ZNF730: variants seen among roughly 807,000 people sequenced by gnomAD.
ZNF730 encodes the protein putative zinc finger protein 730.
In ZNF730, 12 loss-of-function variants were observed where a neutral mutation model predicts 12.6. That is an observed-to-expected ratio of 0.95 (90% CI 0.61 to 1.54). ZNF730 has a LOEUF of 1.54. Among genes scored for constraint, ZNF730 ranks in the 40% most tolerant of loss-of-function variants. The pLI, the probability that ZNF730 is intolerant of heterozygous loss-of-function variation, is 0.00. For missense variants in ZNF730, 643 were observed against 583.5 expected, an observed-to-expected ratio of 1.10 and a Z score of -1.05; for synonymous variants, 194 against 195.8, an observed-to-expected ratio of 0.99 and a Z score of 0.08.
intron 1 of ZNF730, among the ~76,000 whole-genome samples, chr19:23,111,471 G>T (rs1441228811): frequency 6.6e-6 from 1 of 152,030 alleles, no homozygotes; most frequent in African/African-American, 2.4e-5. Context: ...ATTAGGCTGG[G>T]CATGGTGGCT....
intron 1 of ZNF730, among the ~76,000 whole-genome samples, chr19:23,099,347 C>A (rs1033712517): frequency 1.3e-5 from 2 of 152,126 alleles, no homozygotes; most frequent in African/African-American, 2.4e-5. Flanking sequence ...GTGACTCATG[C>A]ATACCATATA....
At position 23,146,050 on chromosome 19, in the gene ZNF730, G is replaced by A; in HGVS notation, c.1006G>A (p.Gly336Arg). 6.2e-7 allele frequency: 1 copy of A among 1,611,552 alleles called. No homozygotes were observed. The highest frequency in any genetic ancestry group is 8.5e-7 in the Non-Finnish European group (1 of 1,179,308). ...TACAAAACATAAAAGAATTCATAAT[G>A]GAGAAAAACCCTACAAATGTGAAGA... is the stretch of plus-strand genomic sequence containing the variant. ...TLTKHKRIHNGEKPYKCEECG... is the reference protein window; with the variant it reads ...TLTKHKRIHNREKPYKCEECG... Residue 336 changes from glycine to arginine, a missense_variant, in exon 4 of 4, where the codon GGA becomes AGA. By Grantham distance (125) the Gly-to-Arg change is moderately radical (BLOSUM62 -2). Transcript: ENST00000597761.
chr19:23,110,877 G>A (rs1970453439), intron 1 of ZNF730, among the ~76,000 whole-genome samples: 1 of 152,194 alleles, frequency 6.6e-6, no homozygotes, highest in Non-Finnish European at 1.5e-5. Context: ...AAATCAGCCA[G>A]TACTGAAGTT....
At chr19:23,128,986 T>C (rs1599594111) in intron 1 of ZNF730, among the ~76,000 whole-genome samples, 1 of 151,962 alleles carries the variant, frequency 6.6e-6, no homozygotes, top group Non-Finnish European at 1.5e-5. Flanking sequence ...TTTCAGAGGG[T>C]GGAAGCCCCA....
Position 23,146,413 on chromosome 19 carries a change from T to C in ZNF730, c.1369T>C (p.Cys457Arg). Residue 457 changes from cysteine to arginine, a missense_variant, in exon 4 of 4, where the codon TGT becomes CGT. Physicochemically the swap from Cys to Arg is radical, Grantham distance 180 (BLOSUM62 -3). Coordinates refer to ENST00000597761, the MANE Select transcript of ZNF730 (RefSeq NM_001277403.2). The part of the protein sequence containing the change: ...TGEKPYECEE[C>R]GKAFNRSSTL... The stretch of plus-strand genomic sequence containing the variant: ...AGAGAAACCCTATGAATGTGAAGAA[T>C]GTGGCAAAGCTTTTAACCGGTCCTC... The C allele has an allele frequency of 2.5e-6, 4 of 1,613,300 alleles. No homozygotes were observed. The highest frequency in any genetic ancestry group is 1.7e-6 in the Non-Finnish European group (2 of 1,179,858).
upstream of ZNF730, among the ~76,000 whole-genome samples, chr19:23,116,818 C>G (rs1020382402): frequency 6.6e-6 from 1 of 152,184 alleles, no homozygotes; most frequent in African/African-American, 2.4e-5. Context: ...TGGGGTGGGC[C>G]TGTCTCAGTT....
At chr19:23,084,433 A>G (rs565908332) in intron 1 of ZNF730, among the ~76,000 whole-genome samples, 2 of 152,244 alleles carry the variant, frequency 1.3e-5, no homozygotes, top group African/African-American at 4.8e-5. Context: ...AAACAAAACC[A>G]TCTTTGAAAA....
At chr19:23,107,788 A>G (rs1970413182) in intron 1 of ZNF730, among the ~76,000 whole-genome samples, 3 of 152,238 alleles carry the variant, frequency 2.0e-5, no homozygotes, top group Non-Finnish European at 1.5e-5. Flanking sequence ...CACACTCAGG[A>G]CAAGATCATA....
In ZNF730 at chr19:23,147,004, T is replaced by C; in HGVS notation, c.*448T>C. ...ATGTGACAAAGCCATTAAATTGTTG[T>C]CACATTTAATTGTAGGTAAGGTGAT... is the stretch of plus-strand genomic sequence containing the variant. On this transcript the variant is annotated 3_prime_UTR_variant, in exon 4 of 4. Transcript: ENST00000597761. 1 of 327,896 alleles carries C rather than the reference T, an allele frequency of 3.0e-6. No homozygotes were observed. The highest frequency in any genetic ancestry group is 5.8e-6 in the Non-Finnish European group (1 of 172,626). The allele number at this position is 327,896 out of a possible 1,614,324, so 20.3% of individuals were successfully genotyped here.
chr19:23,146,319 A>G lies in ZNF730; in HGVS notation c.1275A>G (p.Lys425=). The change falls in exon 4 of 4, where the codon AAA becomes AAG. Residue 425 remains lysine, a synonymous_variant. Transcript: ENST00000597761. ...TTCATACTGGAGAGAAACCCTACAAATGTGAAGAATGTGGCAGAGCTTTCA... is the reference window on the plus strand; with the variant it reads ...TTCATACTGGAGAGAAACCCTACAAGTGTGAAGAATGTGGCAGAGCTTTCA... The part of the protein sequence containing the change: ...KRIHTGEKPY[K]CEECGRAFNQ... 1 of 1,613,558 alleles carries G rather than the reference A, an allele frequency of 6.2e-7. No homozygotes were observed.
chr19:23,137,730 T>A (rs947155645), intron 3 of ZNF730, among the ~76,000 whole-genome samples: 3 of 152,246 alleles, frequency 2.0e-5, no homozygotes, highest in African/African-American at 7.2e-5. Flanking sequence ...GATATTCTTT[T>A]GTTGGGTGCC....
chr19:23,092,543 T>C (rs1161894489), intron 1 of ZNF730, among the ~76,000 whole-genome samples: 1 of 152,056 alleles, frequency 6.6e-6, no homozygotes, highest in East Asian at 1.9e-4. Flanking sequence ...GAGCCAAGAT[T>C]GCACCATTGC....
At chr19:23,090,965 AC>A (rs1970149125) in intron 1 of ZNF730, among the ~76,000 whole-genome samples, 1 of 150,872 alleles carries the variant, frequency 6.6e-6, no homozygotes, top group Non-Finnish European at 1.5e-5. Flanking sequence ...ATGCCATTGC[AC>A]TCCATCCTGG....
chr19:23,105,776 A>G (rs532645236), intron 1 of ZNF730, among the ~76,000 whole-genome samples: 3 of 152,346 alleles, frequency 2.0e-5, no homozygotes, highest in African/African-American at 7.2e-5. Flanking sequence ...TTTCAATTGC[A>G]AAAAGCTAGG....
intron 1 of ZNF730, among the ~76,000 whole-genome samples, chr19:23,105,779 A>T (rs1970386048): frequency 1.3e-5 from 2 of 152,198 alleles, no homozygotes; most frequent in Admixed American, 1.3e-4. Flanking sequence ...CAATTGCAAA[A>T]AGCTAGGTAT....
intron 1 of ZNF730, among the ~76,000 whole-genome samples, chr19:23,093,074 T>G (rs1436758011): frequency 2.6e-5 from 4 of 152,156 alleles, no homozygotes; most frequent in Non-Finnish European, 5.9e-5. Context: ...CACTGTAACC[T>G]CCGCCTCCCG....
At chr19:23,075,765 C>G (rs1969847961) in intron 1 of ZNF730, among the ~76,000 whole-genome samples, 2 of 151,790 alleles carry the variant, frequency 1.3e-5, no homozygotes, top group South Asian at 4.2e-4. Context: ...TCTTTTTAGA[C>G]AGTCTCGCTC....
intron 1 of ZNF730, among the ~76,000 whole-genome samples, chr19:23,083,957 C>T (rs965968174): frequency 9.2e-5 from 14 of 151,800 alleles, no homozygotes; most frequent in African/African-American, 3.4e-4. Flanking sequence ...CTTTTGTTTC[C>T]TATGCTTTTG....
chr19:23,119,097 G>A (rs1970567692), intron 1 of ZNF730, among the ~76,000 whole-genome samples: 1 of 152,146 alleles, frequency 6.6e-6, no homozygotes, highest in Non-Finnish European at 1.5e-5. Context: ...AATAGTGGGG[G>A]TGAGAGAAGG....
Sources: allele counts gnomAD v4.1 joint callset (sites outside exome capture counted in the v4.1 genomes callset), GRCh38; gene constraint gnomAD v4.1.1; transcripts MANE v1.5; gene names NCBI Gene and HGNC (gene_info 2026-07-23, HGNC 2026-07-21).